PIEZO2: variants seen among roughly 807,000 people sequenced by gnomAD.
The protein encoded by PIEZO2 is piezo type mechanosensitive ion channel component 2, also known as piezo-type mechanosensitive ion channel component 2.
Under a neutral mutation model 337.3 loss-of-function variants are expected in PIEZO2, and 172 were observed. The ratio of observed to expected loss-of-function variants is 0.51; its 90% CI spans 0.45 to 0.58. The LOEUF (loss-of-function observed/expected upper bound fraction) is 0.58, where lower values mean the gene tolerates loss of function less well. PIEZO2 is among the 20% of genes least tolerant of loss of function. The probability of loss-of-function intolerance (pLI) is 0.00; values close to 1 mark genes in which losing one functional copy is unlikely to be tolerated. For missense variants in PIEZO2, 3,028 were observed against 3,391.3 expected (o/e 0.89, Z 2.66); for synonymous variants, 1,251 against 1,228.5 (o/e 1.02, Z -0.38).
chr18:10,718,282 A>T (rs1050764341), intron 36 of PIEZO2, 23 bp from the exon 37 acceptor site: 1 of 1,523,868 alleles, frequency 6.6e-7, no homozygotes, highest in South Asian at 1.2e-5. Context: ...TTCAATAAAG[A>T]TGAGTTAAAT....
At chr18:10,950,597 G>A (rs191809804) in intron 3 of PIEZO2, among the ~76,000 whole-genome samples, 1 of 152,266 alleles carries the variant, frequency 6.6e-6, no homozygotes, top group Non-Finnish European at 1.5e-5. Flanking sequence ...TCTATTTCCA[G>A]TATTCTGATA....
In PIEZO2 at chr18:11,148,114, G is replaced by A. The variant is rs991746832; in HGVS notation, c.64+411C>T. Among the ~76,000 whole-genome samples, 1 of 152,120 alleles carries A rather than the reference G, an allele frequency of 6.6e-6. No homozygotes were observed. Among genetic ancestry groups the A allele is most frequent in the East Asian group, 1.9e-4 (1 of 5,168 alleles). ...GTCTGGGAGAGATGGCCTCTGGGCC[G>A]TCTGGAGGCACAGCATGCTGTGCTT... On this transcript the variant is annotated intron_variant, in intron 1 of 55. Coordinates refer to ENST00000674853, the MANE Select transcript of PIEZO2 (RefSeq NM_001378183.1). The surrounding 1 kb of genome is among the most constrained non-coding windows in gnomAD (Gnocchi z 5.2).
rs1480183144 is a variant in PIEZO2, at chr18:10,777,263, G to A, written c.2534+3062C>T. Among the ~76,000 whole-genome samples the A allele has an allele frequency of 2.0e-5, 3 of 152,170 alleles. No individual in the cohort carries two copies. The South Asian group carries it at 6.2e-4, about 32-fold the overall frequency. On this transcript the variant is annotated intron_variant, in intron 18 of 55. Coordinates refer to ENST00000674853, the MANE Select transcript of PIEZO2 (RefSeq NM_001378183.1). ...AAGCAAAATGGCTCTCTCCTTTCAT[G>A]TTCTAACGGAGCAGATGACAAGTAT...
At chr18:10,904,552 T>C (rs551201566) in intron 4 of PIEZO2, among the ~76,000 whole-genome samples, 1 of 152,316 alleles carries the variant, frequency 6.6e-6, no homozygotes, top group Non-Finnish European at 1.5e-5. Flanking sequence ...GCCTTGGGCT[T>C]GGCACCTGGA....
rs2040821311 is a variant in PIEZO2, at chr18:11,146,748, G to T, written c.64+1777C>A. On this transcript the variant is annotated intron_variant, in intron 1 of 55. Transcript: ENST00000674853. This position sits in a 1 kb window ranked among gnomAD's most constrained non-coding sequence, Gnocchi z 6.1. The stretch of plus-strand genomic sequence containing the variant: ...GCCACTGGTGCCAAGTCACAGAGTG[G>T]ACCGAGCTGGCTGCAGGGAACCACA... Among the ~76,000 whole-genome samples the T allele has an allele frequency of 6.6e-6, 1 of 152,216 alleles. No individual in the cohort carries two copies. The highest frequency in any genetic ancestry group is 6.5e-5 in the Admixed American group (1 of 15,286).
In PIEZO2 at chr18:10,801,447, G is replaced by C. The variant is rs7241307; in HGVS notation, c.1201-19C>G. The C allele has an allele frequency of 0.063, 94,865 of 1,495,352 alleles. 3,319 individuals carry two copies. The highest frequency in any genetic ancestry group is 0.069 in the Non-Finnish European group (76,736 of 1,108,498). 92.6% of individuals were successfully genotyped at this position (1,495,352 alleles called of 1,614,324 possible). ...ATAAAAGCTGCAAAAAGCAATGCGG[G>C]AAAGCATGTTAGTAAGGAAGCTGAA... On this transcript the variant is annotated intron_variant, in intron 9 of 55. Coordinates refer to ENST00000674853, the MANE Select transcript of PIEZO2 (RefSeq NM_001378183.1).
At chr18:10,919,014 C>A (rs1209577935) in intron 3 of PIEZO2, among the ~76,000 whole-genome samples, 1 of 151,954 alleles carries the variant, frequency 6.6e-6, no homozygotes, top group Admixed American at 6.6e-5. Flanking sequence ...AAAATTCTAA[C>A]CCTCAAATTT....
rs2041623123 is a variant in PIEZO2, at chr18:10,853,794, T to C, written c.917+1559A>G. The stretch of plus-strand genomic sequence containing the variant: ...TGCAGACATCAAGGCACAGCTTATC[T>C]AAATAACTCACCATGTATCTCCTAA... On this transcript the variant is annotated intron_variant, in intron 7 of 55. Coordinates refer to ENST00000674853, the MANE Select transcript of PIEZO2 (RefSeq NM_001378183.1). The surrounding 1 kb of genome is among the most constrained non-coding windows in gnomAD (Gnocchi z 4.2). 6.6e-6 allele frequency among the ~76,000 whole-genome samples: 1 copy of C among 152,220 alleles called. No homozygotes were observed. The highest frequency in any genetic ancestry group is 1.5e-5 in the Non-Finnish European group (1 of 68,032).
chr18:10,930,036 A>G (rs2145185230), intron 3 of PIEZO2, among the ~76,000 whole-genome samples: 2 of 152,360 alleles, frequency 1.3e-5, no homozygotes, highest in Admixed American at 1.3e-4. Flanking sequence ...TTTTGTGGCA[A>G]TAAGATACCA....
intron 3 of PIEZO2, among the ~76,000 whole-genome samples, chr18:10,939,349 G>A (rs1837600843): frequency 6.6e-6 from 1 of 152,172 alleles, no homozygotes; most frequent in Non-Finnish European, 1.5e-5. Flanking sequence ...CATTGTGGAA[G>A]ACAGTGTGGC....
chr18:10,898,480 G>T (rs1000335426), intron 4 of PIEZO2, among the ~76,000 whole-genome samples: 1 of 152,160 alleles, frequency 6.6e-6, no homozygotes, highest in African/African-American at 2.4e-5. Context: ...GCAACCATAA[G>T]GAAAGTTAAA....
intron 33 of PIEZO2, among the ~76,000 whole-genome samples, chr18:10,737,314 C>T (rs1267656589): frequency 8.3e-6 from 1 of 121,024 alleles, no homozygotes; most frequent in Non-Finnish European, 1.7e-5. Flanking sequence ...AACACGCACA[C>T]ACTGCCATGA....
Position 10,714,919 on chromosome 18 carries a change from T to C in PIEZO2, c.5268A>G (p.Pro1756=). 1 of 1,537,178 alleles carries C rather than the reference T, an allele frequency of 6.5e-7. No individual in the cohort carries two copies. Among genetic ancestry groups the C allele is most frequent in the African/African-American group, 1.4e-5 (1 of 73,150 alleles). ...LTREIKKGNV[P]TRESIHMYYQ... ...AGTACATGTGGATGCTCTCCCGAGT[T>C]GGAACATTGCCCTGAGGAGAATGAG... The change falls in exon 39 of 56, where the codon CCA becomes CCG. Residue 1756 remains proline, a synonymous_variant. Transcript: ENST00000674853.
chr18:10,795,362 T>G lies in PIEZO2; in HGVS notation c.1528-360A>C, dbSNP rs1598490543. 2.3e-5 allele frequency among the ~76,000 whole-genome samples: 1 copy of G among 43,402 alleles called. No individual in the cohort carries two copies. The highest frequency in any genetic ancestry group is 2.5e-4 in the Admixed American group (1 of 4,002). 28.5% of individuals were successfully genotyped at this position (43,402 alleles called of 152,430 possible). A position where few individuals can be genotyped will look rare whatever the true frequency, so the allele number is the denominator to read the frequency against. The stretch of plus-strand genomic sequence containing the variant: ...TTTTATTTTATTTTATTATTTTATT[T>G]TATTTTATTTTATTTTATTTTATTT... On this transcript the variant is annotated intron_variant, in intron 12 of 55. Transcript: ENST00000674853. This position sits in a 1 kb window ranked among gnomAD's most constrained non-coding sequence, Gnocchi z 4.4.
chr18:10,881,320 A>T (rs2042414463), intron 4 of PIEZO2, among the ~76,000 whole-genome samples: 1 of 152,184 alleles, frequency 6.6e-6, no homozygotes, highest in Non-Finnish European at 1.5e-5. Flanking sequence ...TACTAACCTC[A>T]CTGTGAGAGT....
At chr18:11,075,581 G>A (rs868632611) in intron 1 of PIEZO2, among the ~76,000 whole-genome samples, 1 of 152,076 alleles carries the variant, frequency 6.6e-6, no homozygotes, top group Admixed American at 6.6e-5. Context: ...GCCCACTGGC[G>A]GTCTTGTCCC....
intron 9 of PIEZO2, among the ~76,000 whole-genome samples, chr18:10,803,509 G>A (rs1010996765): frequency 4.6e-5 from 7 of 152,136 alleles, no homozygotes; most frequent in African/African-American, 1.7e-4. Flanking sequence ...ATACCCGACA[G>A]AGTAAAATTA....
intron 21 of PIEZO2, among the ~76,000 whole-genome samples, chr18:10,768,056 C>T (rs982787395): frequency 5.3e-5 from 8 of 152,148 alleles, no homozygotes; most frequent in African/African-American, 1.7e-4. Context: ...TAAAGAGCCT[C>T]TGTACAGTGG....
At chr18:10,703,545 C>G (rs1471822021) in intron 42 of PIEZO2, among the ~76,000 whole-genome samples, 1 of 152,114 alleles carries the variant, frequency 6.6e-6, no homozygotes, top group East Asian at 1.9e-4. Context: ...AGCATGAGCA[C>G]TGTCATTTAA....
Sources: allele counts gnomAD v4.1 joint callset (sites outside exome capture counted in the v4.1 genomes callset), GRCh38; gene constraint gnomAD v4.1.1; non-coding constraint Gnocchi (gnomAD v3.1); transcripts MANE v1.5; gene names NCBI Gene and HGNC (gene_info 2026-07-23, HGNC 2026-07-21).